Variants in FSTL4 observed in about 807,000 individuals in gnomAD.
The protein encoded by FSTL4 is follistatin like 4.
Under a neutral mutation model 78.2 loss-of-function variants are expected in FSTL4, and 28 were observed. That is an observed-to-expected ratio of 0.36 (90% CI 0.27 to 0.49). The LOEUF (loss-of-function observed/expected upper bound fraction) is 0.49. Ranked by LOEUF, FSTL4 falls within the 20% of genes least tolerant of loss-of-function variation. The pLI, the probability that FSTL4 is intolerant of heterozygous loss-of-function variation, is 0.98. For missense variants in FSTL4, 922 were observed against 1,084.9 expected (o/e 0.85, Z 2.11); for synonymous variants, 422 against 440.5 (o/e 0.96, Z 0.53).
the FSTL4 span, among the ~76,000 whole-genome samples, chr5:133,757,866 T>A: frequency 1.3e-5 from 2 of 152,318 alleles, no homozygotes; most frequent in East Asian, 3.9e-4. Context: ...TTGTACCACC[T>A]ACAAGGATTT....
the FSTL4 span, among the ~76,000 whole-genome samples, chr5:133,840,530 A>T: frequency 1.3e-5 from 2 of 152,172 alleles, no homozygotes; most frequent in Non-Finnish European, 2.9e-5. Context: ...TGCACAATTA[A>T]CCTCTGAAGG....
chr5:133,612,592 A>G (rs1761124627), upstream of FSTL4: 1 of 151,622 alleles, frequency 6.6e-6, no homozygotes, highest in African/African-American at 2.4e-5. The surrounding 1 kb of genome is among the most constrained non-coding windows in gnomAD (Gnocchi z 6.2). Context: ...CGCCTGCCCA[A>G]TCGCCGCCAC....
At chr5:133,233,194 G>A (rs1751546424) in intron 8 of FSTL4, among the ~76,000 whole-genome samples, 1 of 152,240 alleles carries the variant, frequency 6.6e-6, no homozygotes, top group Non-Finnish European at 1.5e-5. Flanking sequence ...CATGGCACTT[G>A]GATTTGTTTC....
the FSTL4 span, among the ~76,000 whole-genome samples, chr5:133,736,069 C>T: frequency 4.6e-5 from 7 of 152,276 alleles, no homozygotes; most frequent in Non-Finnish European, 8.8e-5. Context: ...TGCACAGTGC[C>T]TGGAGGATGG....
intron 3 of FSTL4, among the ~76,000 whole-genome samples, chr5:133,564,811 C>T (rs1000851514): frequency 1.3e-5 from 2 of 152,172 alleles, no homozygotes; most frequent in African/African-American, 2.4e-5. Flanking sequence ...GTTTAAGGCA[C>T]ACAATGCATT....
chr5:133,484,570 T>C (rs1310705321), intron 3 of FSTL4, among the ~76,000 whole-genome samples: 2 of 152,224 alleles, frequency 1.3e-5, no homozygotes, highest in Non-Finnish European at 2.9e-5. Context: ...AGAATTCTCA[T>C]CCTGCCTTTG....
chr5:133,507,992 G>A (rs555822391), intron 3 of FSTL4, among the ~76,000 whole-genome samples: 1 of 152,214 alleles, frequency 6.6e-6, no homozygotes, highest in African/African-American at 2.4e-5. Flanking sequence ...GCATCATTGG[G>A]TATTTTGCCG....
intron 3 of FSTL4, among the ~76,000 whole-genome samples, chr5:133,562,135 C>T (rs1043244141): frequency 3.3e-5 from 5 of 152,166 alleles, no homozygotes; most frequent in Non-Finnish European, 7.3e-5. Flanking sequence ...ACCCACGGCT[C>T]CAGGCACTGT....
At chr5:133,614,991 CACA>C (rs145429693), upstream of FSTL4, among the ~76,000 whole-genome samples, 9,380 of 152,180 alleles carry the variant, frequency 0.062, 320 homozygotes, top group Non-Finnish European at 0.073. Flanking sequence ...TTACCAAAAA[CACA>C]ACAATATAAT....
the FSTL4 span, among the ~76,000 whole-genome samples, chr5:133,692,078 A>G: frequency 6.6e-6 from 1 of 152,244 alleles, no homozygotes; most frequent in African/African-American, 2.4e-5. Flanking sequence ...GGAGCTGGAA[A>G]GAGAGGTGCA....
At chr5:133,712,092 C>T in the FSTL4 span, among the ~76,000 whole-genome samples, 1 of 152,160 alleles carries the variant, frequency 6.6e-6, no homozygotes, top group Non-Finnish European at 1.5e-5. Context: ...TATGTGACAA[C>T]CAGAAGGATG....
At chr5:133,287,387 CA>C (rs56209403) in intron 6 of FSTL4, among the ~76,000 whole-genome samples, 7,484 of 102,910 alleles carry the variant, frequency 0.073, 493 homozygotes, top group African/African-American at 0.2. Flanking sequence ...GACTCCATCT[CA>C]AAAAAAAAAA....
chr5:133,656,173 G>A, the FSTL4 span, among the ~76,000 whole-genome samples: 2 of 152,116 alleles, frequency 1.3e-5, no homozygotes, highest in African/African-American at 4.8e-5. Context: ...GTAGGGGAGT[G>A]AGAAAGTGAG....
the FSTL4 span, among the ~76,000 whole-genome samples, chr5:133,788,540 C>T: frequency 6.6e-6 from 1 of 152,216 alleles, no homozygotes; most frequent in Non-Finnish European, 1.5e-5. Flanking sequence ...TCCACGAGCC[C>T]AGCCACACAG....
intron 6 of FSTL4, among the ~76,000 whole-genome samples, chr5:133,304,136 G>C (rs1265988074): frequency 1.3e-5 from 2 of 152,190 alleles, no homozygotes; most frequent in African/African-American, 4.8e-5. Context: ...GTGCTTAATT[G>C]CACATTGAAG....
chr5:133,226,793 C>T (rs2126796113), intron 8 of FSTL4, among the ~76,000 whole-genome samples: 1 of 152,264 alleles, frequency 6.6e-6, no homozygotes, highest in South Asian at 2.1e-4. Flanking sequence ...AAGAAAGCAT[C>T]CCAGTACTTT....
chr5:133,553,117 G>A (rs940152213), intron 3 of FSTL4, among the ~76,000 whole-genome samples: 15 of 152,250 alleles, frequency 9.9e-5, no homozygotes, highest in South Asian at 6.2e-4. Context: ...CCTCCAGGGG[G>A]CGCGGGAGAG....
chr5:133,396,923 G>T (rs879710982), intron 4 of FSTL4, among the ~76,000 whole-genome samples: 1 of 152,198 alleles, frequency 6.6e-6, no homozygotes, highest in Non-Finnish European at 1.5e-5. Context: ...CCCCTCTGAA[G>T]CACCCAAATC....
chr5:133,523,222 A>G (rs1409510167), intron 3 of FSTL4, among the ~76,000 whole-genome samples: 1 of 152,200 alleles, frequency 6.6e-6, no homozygotes, highest in African/African-American at 2.4e-5. Flanking sequence ...CAAGCCCAGG[A>G]GAGAGGCCTC....
Sources: gnomAD v4.1 joint callset for allele counts (sites outside exome capture counted in the v4.1 genomes callset) on GRCh38, gnomAD v4.1.1 for gene constraint, Gnocchi (gnomAD v3.1) non-coding constraint, MANE v1.5 for transcripts, NCBI Gene and HGNC (gene_info 2026-07-23, HGNC 2026-07-21) for gene names.